The following CD2AP variants were observed in gnomAD, a reference collection of about 807,000 sequenced individuals.
CD2AP encodes the protein CD2 associated protein, also known as CD2-associated protein.
In CD2AP, 46 loss-of-function variants were observed where a neutral mutation model predicts 85.1. The ratio of observed to expected loss-of-function variants is 0.54; its 90% CI spans 0.43 to 0.69. The LOEUF (loss-of-function observed/expected upper bound fraction) is 0.69. CD2AP is among the 30% of genes least tolerant of loss of function. The pLI is 0.00. For synonymous variants in CD2AP, 255 were observed against 252.9 expected (o/e 1.01, Z -0.08); for missense variants, 769 against 729.5 (o/e 1.05, Z -0.62).
intron 1 of CD2AP, among the ~76,000 whole-genome samples, chr6:47,502,639 G>T (rs921007219): frequency 9.2e-5 from 14 of 151,964 alleles, no homozygotes; most frequent in African/African-American, 3.4e-4. Flanking sequence ...GATTACTGGC[G>T]CCCACCACCA....
chr6:47,516,190 T>C (rs1453637343), intron 2 of CD2AP, among the ~76,000 whole-genome samples: 1 of 152,098 alleles, frequency 6.6e-6, no homozygotes, highest in Non-Finnish European at 1.5e-5. Flanking sequence ...AAAGACTACA[T>C]CCTTTCATGC....
intron 13 of CD2AP, among the ~76,000 whole-genome samples, chr6:47,600,699 AAG>A (rs1242742981): frequency 1.3e-5 from 2 of 151,996 alleles, no homozygotes; most frequent in African/African-American, 4.8e-5. Context: ...TAAACAGAAA[AAG>A]AATCCTCATG....
chr6:47,554,833 T>C (rs1259067282), intron 5 of CD2AP, 67 bp downstream of exon 5: 3 of 1,435,998 alleles, frequency 2.1e-6, no homozygotes, highest in East Asian at 2.5e-5. Context: ...TGTTTTATTT[T>C]GTATTTTTTG....
chr6:47,519,466 C>T (rs1404676684), intron 2 of CD2AP, among the ~76,000 whole-genome samples: 2 of 152,168 alleles, frequency 1.3e-5, no homozygotes, highest in African/African-American at 2.4e-5. Flanking sequence ...GTGTAGACCT[C>T]TGTTTGACTT....
intron 5 of CD2AP, among the ~76,000 whole-genome samples, chr6:47,568,469 C>T (rs145960350): frequency 6.9e-4 from 105 of 152,108 alleles, no homozygotes; most frequent in Non-Finnish European, 1.3e-3. Flanking sequence ...AGGCTGGGCG[C>T]GGTGGCTTAT....
intron 17 of CD2AP, among the ~76,000 whole-genome samples, chr6:47,620,433 T>C (rs1301409153): frequency 6.6e-6 from 1 of 152,246 alleles, no homozygotes; most frequent in Non-Finnish European, 1.5e-5. Context: ...AGTACCATGC[T>C]GTTTTGGTGA....
chr6:47,498,935 A>T (rs1244978845), intron 1 of CD2AP, among the ~76,000 whole-genome samples: 1 of 152,218 alleles, frequency 6.6e-6, no homozygotes, highest in Non-Finnish European at 1.5e-5. Context: ...TAAGAAATTA[A>T]CATTGATTTG....
At chr6:47,586,128 G>A (rs1768623682) in intron 11 of CD2AP, among the ~76,000 whole-genome samples, 1 of 152,072 alleles carries the variant, frequency 6.6e-6, no homozygotes, top group South Asian at 2.1e-4. Context: ...GGAGATAGAA[G>A]GCAAGTACAT....
chr6:47,512,388 A>C (rs144554432), intron 2 of CD2AP, among the ~76,000 whole-genome samples: 379 of 152,278 alleles, frequency 2.5e-3, no homozygotes, highest in Non-Finnish European at 4.7e-3. Flanking sequence ...TAAATCTGTG[A>C]ATATGGAGTG....
intron 1 of CD2AP, among the ~76,000 whole-genome samples, chr6:47,479,050 T>A (rs965464712): frequency 6.6e-6 from 1 of 152,268 alleles, no homozygotes; most frequent in African/African-American, 2.4e-5. Flanking sequence ...TAACAATTTC[T>A]TTTGATAACA....
chr6:47,488,203 A>G (rs527846710), intron 1 of CD2AP, among the ~76,000 whole-genome samples: 1 of 152,160 alleles, frequency 6.6e-6, no homozygotes, highest in African/African-American at 2.4e-5. Context: ...GCAGAGAGAG[A>G]CATTTCTGTA....
At chr6:47,498,337 A>C (rs1310602636) in intron 1 of CD2AP, among the ~76,000 whole-genome samples, 1 of 152,216 alleles carries the variant, frequency 6.6e-6, no homozygotes, top group Non-Finnish European at 1.5e-5. Flanking sequence ...TCTTTTGTAG[A>C]TGAAATTTTT....
intron 16 of CD2AP, 200 bp downstream of exon 16, chr6:47,609,504 C>T (rs1466582669): frequency 3.8e-6 from 1 of 264,934 alleles, no homozygotes; most frequent in East Asian, 4.9e-5. Flanking sequence ...TGACAAAACC[C>T]CATCTTTGCA....
chr6:47,543,389 C>G (rs768731802), intron 3 of CD2AP, among the ~76,000 whole-genome samples: 2 of 152,006 alleles, frequency 1.3e-5, no homozygotes, highest in Non-Finnish European at 2.9e-5. Context: ...TGAGAACCAC[C>G]TAGGGATCTT....
intron 16 of CD2AP, among the ~76,000 whole-genome samples, chr6:47,610,240 T>C (rs1008576313): frequency 2.2e-4 from 33 of 152,162 alleles, no homozygotes; most frequent in Non-Finnish European, 7.4e-5. Flanking sequence ...TAACCACTAG[T>C]ATTTGAATTT....
intron 5 of CD2AP, among the ~76,000 whole-genome samples, chr6:47,568,567 C>T (rs1295412526): frequency 6.6e-6 from 1 of 152,016 alleles, no homozygotes; most frequent in Non-Finnish European, 1.5e-5. Flanking sequence ...AGTTGAAACC[C>T]CGTCTCTACT....
chr6:47,606,357 T>G, intron 14 of CD2AP, 80 bp downstream of exon 14: 10 of 847,324 alleles, frequency 1.2e-5, no homozygotes, highest in Non-Finnish European at 2.0e-5. Context: ...CTTATAGCTC[T>G]ACCTAAGTTT....
chr6:47,528,228 G>A (rs1432113757), intron 2 of CD2AP, among the ~76,000 whole-genome samples: 3 of 152,158 alleles, frequency 2.0e-5, no homozygotes, highest in Non-Finnish European at 1.5e-5. Flanking sequence ...ATGCTGGAGC[G>A]CAGTGCTGTG....
intron 4 of CD2AP, among the ~76,000 whole-genome samples, chr6:47,550,841 A>C (rs1469871290): frequency 1.3e-5 from 2 of 152,236 alleles, no homozygotes; most frequent in African/African-American, 4.8e-5. Context: ...GTGCTGGAAT[A>C]CTACTCAGCC....
Sources: allele counts gnomAD v4.1 joint callset (sites outside exome capture counted in the v4.1 genomes callset), GRCh38; gene constraint gnomAD v4.1.1; transcripts MANE v1.5; gene names NCBI Gene and HGNC (gene_info 2026-07-23, HGNC 2026-07-21).